The following MTFP1 variants were observed in gnomAD, a reference collection of about 807,000 sequenced individuals.
MTFP1 encodes the protein mitochondrial fission process protein 1.
Under a neutral mutation model 17.1 loss-of-function variants are expected in MTFP1, and 19 were observed. That is an observed-to-expected ratio of 1.11 (90% CI 0.77 to 1.63). The LOEUF is 1.63. MTFP1 is among the 40% of genes most tolerant of loss of function. MTFP1 has a pLI of 0.00. For missense variants in MTFP1, 221 were observed against 226.2 expected, an observed-to-expected ratio of 0.98 and a Z score of 0.15; for synonymous variants, 89 against 95.2, an observed-to-expected ratio of 0.93 and a Z score of 0.38.
chr22:30,428,366 C>G (rs1409203954), intron 3 of MTFP1, 96 bp from the exon 4 acceptor site: 1 of 1,020,220 alleles, frequency 9.8e-7, no homozygotes, highest in Non-Finnish European at 1.5e-6. Context: ...TTGTATCCTG[C>G]ATCTAAGCGC....
rs756681054 is a variant in MTFP1 at position 30,426,864 on chromosome 22, C to G, written c.195+20C>G. ...GGAGAGGTGAGTGTTAGCCTATTTT[C>G]CAACCCCCAACCCTAGCTCTCTTCT... On this transcript the variant is annotated intron_variant, in intron 2 of 3. Transcript: ENST00000266263. 2 of 1,604,980 alleles carry G rather than the reference C, an allele frequency of 1.2e-6. No individual in the cohort carries two copies. Among genetic ancestry groups the G allele is most frequent in the Non-Finnish European group, 1.7e-6 (2 of 1,179,470 alleles).
intron 1 of MTFP1, 139 bp downstream of exon 1, chr22:30,426,085 A>C (rs921521431): frequency 3.4e-6 from 3 of 890,760 alleles, no homozygotes; most frequent in Non-Finnish European, 4.8e-6. Context: ...GACTGGGCTC[A>C]GACAGGGCTA....
Position 30,427,239 on chromosome 22 carries a change from G to T in MTFP1, c.264G>T (p.Gln88His), listed in dbSNP as rs960075788. The T allele has an allele frequency of 1.2e-6, 2 of 1,614,102 alleles. No individual in the cohort carries two copies. The highest frequency in any genetic ancestry group is 2.7e-5 in the African/African-American group (2 of 75,064). Residue 88 changes from glutamine (Q) to histidine (H), a missense_variant, in exon 3 of 4, where the codon CAG (glutamine) becomes CAT (histidine). Coordinates refer to ENST00000266263, the MANE Select transcript of MTFP1 (RefSeq NM_016498.5). ...TVAVVDTFVW[Q>H]ALASVAIPGF... Reference sequence around the variant, plus strand: ...CTGTGGTGGACACCTTTGTATGGCAGGCTCTAGCCTCTGTGGCCATTCCGG... The same window carrying T: ...CTGTGGTGGACACCTTTGTATGGCATGCTCTAGCCTCTGTGGCCATTCCGG...
At chr22:30,427,607 A>G (rs966301396) in intron 3 of MTFP1, among the ~76,000 whole-genome samples, 1 of 152,316 alleles carries the variant, frequency 6.6e-6, no homozygotes. Flanking sequence ...CACTTTAGCA[A>G]TAAAAGAAGA....
Position 30,428,981 on chromosome 22 carries a change from T to C in MTFP1, c.*447T>C, listed in dbSNP as rs1347745528. 1.4e-5 allele frequency: 6 copies of C among 417,520 alleles called. No homozygotes were observed. In the East Asian group the frequency reaches 3.2e-4, roughly 22 times the overall value. 25.9% of individuals were successfully genotyped at this position (417,520 alleles called of 1,614,324 possible). ...GACAACTCAGGGAGAAACTCAGGAG[T>C]GCAGTACCAGGGACACCTCAGGACA... On this transcript the variant is annotated 3_prime_UTR_variant, in exon 4 of 4. Coordinates refer to ENST00000266263, the MANE Select transcript of MTFP1 (RefSeq NM_016498.5).
At chr22:30,426,621 A>T in intron 1 of MTFP1, 96 bp from the exon 2 acceptor site, 1 of 1,512,384 alleles carries the variant, frequency 6.6e-7, no homozygotes, top group Non-Finnish European at 8.9e-7. Flanking sequence ...AAGGTCACCC[A>T]GGGACTGCTT....
Position 30,426,838 on chromosome 22 carries a change from TG to T in MTFP1, c.191del (p.Gly64GlufsTer14). 6.2e-7 allele frequency: 1 copy of T among 1,610,796 alleles called. No individual in the cohort carries two copies. The stretch of plus-strand genomic sequence containing the variant: ...ATGCCATTGACAAAGGCAAGAAGGC[TG>T]GAGAGGTGAGTGTTAGCCTATTTTC... ...ADAIDKGKKA[G>X]EVPSPEAGRS... On this transcript the variant is annotated frameshift_variant, in exon 2 of 4. Transcript: ENST00000266263. LOFTEE classifies it high-confidence loss of function.
Position 30,427,192 on chromosome 22 carries a change from C to T in MTFP1, c.217C>T (p.Arg73Cys), listed in dbSNP as rs768377155. 1.1e-5 allele frequency: 17 copies of T among 1,613,982 alleles called. No homozygotes were observed. Among genetic ancestry groups the T allele is most frequent in the East Asian group, 2.2e-5 (1 of 44,896 alleles). Residue 73 changes from arginine (R) to cysteine (C), a missense_variant, in exon 3 of 4, where the codon CGC (arginine) becomes TGC (cysteine). Arg to Cys is a radical substitution (Grantham distance 180). Coordinates refer to ENST00000266263, the MANE Select transcript of MTFP1 (RefSeq NM_016498.5). ...CCAGGTGCCCAGCCCTGAAGCAGGC[C>T]GCAGCGCCAGGGTGACTGTGGCTGT... ...AGEVPSPEAG[R>C]SARVTVAVVD...
In MTFP1 at chr22:30,428,607, G is replaced by A; in HGVS notation, c.*73G>A. The A allele has an allele frequency of 6.2e-7, 1 of 1,614,166 alleles. No individual in the cohort carries two copies. ...ACCTCCTACTCCTGCCAGGGAATGT[G>A]GACACCTGGCTCCCTGGTGTCCAAA... On this transcript the variant is annotated 3_prime_UTR_variant, in exon 4 of 4. Coordinates refer to ENST00000266263, the MANE Select transcript of MTFP1 (RefSeq NM_016498.5).
At chr22:30,428,439 C>T in intron 3 of MTFP1, 23 bp from the exon 4 acceptor site, 5 of 1,609,224 alleles carry the variant, frequency 3.1e-6, no homozygotes, top group Non-Finnish European at 4.3e-6. Context: ...GTCACCTGCT[C>T]ACCACCCTTC....
rs1285920705 is a variant in MTFP1 at position 30,426,702 on chromosome 22, T to C, written c.68-15T>C. 27 of 1,613,560 alleles carry C rather than the reference T, an allele frequency of 1.7e-5. No individual in the cohort carries two copies. The highest frequency in any genetic ancestry group is 2.2e-5 in the Non-Finnish European group (26 of 1,179,856). On this transcript the variant is annotated splice_polypyrimidine_tract_variant and intron_variant, in intron 1 of 3. Coordinates refer to ENST00000266263, the MANE Select transcript of MTFP1 (RefSeq NM_016498.5). ...AACAGTTGCGAGCCTAGGAATTAAA[T>C]GTTCCCTCCCCCAGGCTATGCCAAT...
intron 2 of MTFP1, 43 bp downstream of exon 2, chr22:30,426,887 T>A: frequency 6.2e-7 from 1 of 1,601,148 alleles, no homozygotes; most frequent in Non-Finnish European, 8.5e-7. Context: ...CTAGCTCTCT[T>A]CTTGTGTGGT....
At position 30,426,766 on chromosome 22, in the gene MTFP1, G is replaced by A. The variant is rs781578814; in HGVS notation, c.117G>A (p.Ala39=). 6 of 1,614,080 alleles carry A rather than the reference G, an allele frequency of 3.7e-6. No individual in the cohort carries two copies. The African/African-American group carries it at 4.0e-5, about 11-fold the overall frequency. ...CTTTCCGCTCTCTTGTGCCAGCGGC[G>A]GTGGTGTGGCTGAGCTATGGCGTGG... ...GEAFRSLVPA[A]VVWLSYGVAS... is the part of the protein sequence containing the mutation. Residue 39 remains alanine, a synonymous_variant, in exon 2 of 4, where the codon GCG becomes GCA. Transcript: ENST00000266263.
Position 30,425,780 on chromosome 22 carries a change from A to G in MTFP1, c.-100A>G. On this transcript the variant is annotated 5_prime_UTR_variant, in exon 1 of 4. Coordinates refer to ENST00000266263, the MANE Select transcript of MTFP1 (RefSeq NM_016498.5). The stretch of plus-strand genomic sequence containing the variant: ...TTCCTGACCTGTCCTTCGGCGCGGG[A>G]CTTTCGGCGGGTCCCGGCCGGGCAG... 4.0e-6 allele frequency: 5 copies of G among 1,254,514 alleles called. No individual in the cohort carries two copies. Among genetic ancestry groups the G allele is most frequent in the South Asian group, 3.0e-5 (2 of 65,804 alleles). The allele number at this position is 1,254,514 out of a possible 1,614,324, so 77.7% of individuals were successfully genotyped here. A position where few individuals can be genotyped will look rare whatever the true frequency, so the allele number is the denominator to read the frequency against.
Position 30,427,212 on chromosome 22 carries a change from G to A in MTFP1, c.237G>A (p.Val79=). 33 of 1,614,080 alleles carry A rather than the reference G, an allele frequency of 2.0e-5. No homozygotes were observed. The highest frequency in any genetic ancestry group is 2.8e-5 in the Non-Finnish European group (33 of 1,180,024). Residue 79 remains valine, a synonymous_variant, in exon 3 of 4, where the codon GTG becomes GTA. Coordinates refer to ENST00000266263, the MANE Select transcript of MTFP1 (RefSeq NM_016498.5). ...PEAGRSARVT[V]AVVDTFVWQA... is the part of the protein sequence containing the mutation. ...CAGGCCGCAGCGCCAGGGTGACTGT[G>A]GCTGTGGTGGACACCTTTGTATGGC...
At chr22:30,427,010 C>T in intron 2 of MTFP1, 161 bp from the exon 3 acceptor site, 1 of 1,363,378 alleles carries the variant, frequency 7.3e-7, no homozygotes, top group Non-Finnish European at 1.0e-6. Flanking sequence ...ACCCCTGCCC[C>T]CACACTCCCA....
In MTFP1 at chr22:30,426,726, A is replaced by T. The variant is rs1934675476; in HGVS notation, c.77A>T (p.Asn26Ile). The change falls in exon 2 of 4, where the codon AAT (asparagine) becomes ATT (isoleucine). Residue 26 changes from asparagine to isoleucine, a missense_variant. By Grantham distance (149) the Asn-to-Ile change is moderately radical. Coordinates refer to ENST00000266263, the MANE Select transcript of MTFP1 (RefSeq NM_016498.5). ...DTWVRYLGYA[N>I]EVGEAFRSLV... ...ATGTTCCCTCCCCCAGGCTATGCCA[A>T]TGAGGTGGGCGAGGCTTTCCGCTCT... The T allele has an allele frequency of 5.6e-6, 9 of 1,614,054 alleles. No homozygotes were observed. The highest frequency in any genetic ancestry group is 7.6e-6 in the Non-Finnish European group (9 of 1,179,942).
rs762724019 is a variant in MTFP1, at chr22:30,427,102, C to A, written c.196-69C>A. On this transcript the variant is annotated intron_variant, in intron 2 of 3. Transcript: ENST00000266263. ...TGGCCACTTGCCCCTCCCGGTCTAGCCTCGTGCCCCTTGTCGCAGGATTTT... is the reference window on the plus strand; with the variant it reads ...TGGCCACTTGCCCCTCCCGGTCTAGACTCGTGCCCCTTGTCGCAGGATTTT... 6.5e-6 allele frequency: 10 copies of A among 1,546,636 alleles called. No individual in the cohort carries two copies. The South Asian group carries it at 1.1e-4, about 17-fold the overall frequency.
chr22:30,427,440 C>G (rs1377739591), intron 3 of MTFP1, 37 bp downstream of exon 3: 1 of 1,576,244 alleles, frequency 6.3e-7, no homozygotes, highest in East Asian at 2.2e-5. Flanking sequence ...CATCCACTCT[C>G]CAGTGATGAG....
Sources: gnomAD v4.1 joint callset for allele counts (sites outside exome capture counted in the v4.1 genomes callset) on GRCh38, gnomAD v4.1.1 for gene constraint, MANE v1.5 for transcripts, NCBI Gene and HGNC (gene_info 2026-07-23, HGNC 2026-07-21) for gene names.